DCAF5: variants seen among roughly 807,000 people sequenced by gnomAD.
The protein encoded by DCAF5 is DDB1 and CUL4 associated factor 5, also known as DDB1- and CUL4-associated factor 5.
A neutral mutation model predicts 80.7 loss-of-function variants in DCAF5; 9 were observed. That is an observed-to-expected ratio of 0.11 (90% CI 0.07 to 0.19). The LOEUF (loss-of-function observed/expected upper bound fraction) is 0.19, where lower values mean the gene tolerates loss of function less well. DCAF5 is among the 10% of genes least tolerant of loss of function. The pLI is 1.00. For missense variants in DCAF5, 842 were observed against 1,205.7 expected, an observed-to-expected ratio of 0.70 and a Z score of 4.47; for synonymous variants, 433 against 461.9, an observed-to-expected ratio of 0.94 and a Z score of 0.80.
At chr14:69,114,737 A>C (rs2040487467) in intron 5 of DCAF5, among the ~76,000 whole-genome samples, 1 of 152,218 alleles carries the variant, frequency 6.6e-6, no homozygotes, top group African/African-American at 2.4e-5. Context: ...CTGTAAAAAT[A>C]CAATAATCAT....
intron 6 of DCAF5, 103 bp from the exon 7 acceptor site, chr14:69,075,514 C>T: frequency 3.2e-6 from 2 of 630,702 alleles, no homozygotes; most frequent in Non-Finnish European, 4.5e-6. Flanking sequence ...TGGAGTCTTG[C>T]TCTGTTGTCC....
At chr14:69,147,157 T>C (rs1475443952) in intron 1 of DCAF5, among the ~76,000 whole-genome samples, 1 of 152,272 alleles carries the variant, frequency 6.6e-6, no homozygotes, top group Non-Finnish European at 1.5e-5. Flanking sequence ...CATATAGGTG[T>C]AATAATAGCT....
At chr14:69,101,933 G>A (rs1358947791) in intron 5 of DCAF5, among the ~76,000 whole-genome samples, 4 of 152,140 alleles carry the variant, frequency 2.6e-5, no homozygotes, top group Admixed American at 2.0e-4. Flanking sequence ...AATAGCGCTT[G>A]CAGGACTGGA....
At chr14:69,102,896 G>A (rs768029070) in intron 5 of DCAF5, among the ~76,000 whole-genome samples, 6 of 152,060 alleles carry the variant, frequency 3.9e-5, no homozygotes, top group South Asian at 4.2e-4. Flanking sequence ...CAAGTGTTAC[G>A]TACTGTACAT....
intron 5 of DCAF5, among the ~76,000 whole-genome samples, chr14:69,094,275 T>A (rs1457155929): frequency 2.6e-5 from 4 of 152,234 alleles, no homozygotes; most frequent in Middle Eastern, 3.4e-3. Context: ...CCCATTCTAG[T>A]CAGGCCTGTA....
chr14:69,120,792 A>G (rs930406047), intron 2 of DCAF5, among the ~76,000 whole-genome samples: 2 of 152,236 alleles, frequency 1.3e-5, no homozygotes, highest in Non-Finnish European at 2.9e-5. Flanking sequence ...TATAAAAAGA[A>G]TAAGATTCTA....
chr14:69,131,638 G>A (rs1259896979), intron 1 of DCAF5, among the ~76,000 whole-genome samples: 2 of 152,022 alleles, frequency 1.3e-5, no homozygotes, highest in African/African-American at 4.8e-5. Context: ...AAAGAGCTTG[G>A]CCTGGAGCCT....
At position 69,053,919 on chromosome 14, in the gene DCAF5, G is replaced by T; in HGVS notation, c.2767C>A (p.Arg923=). 6.2e-7 allele frequency: 1 copy of T among 1,610,970 alleles called. No homozygotes were observed. Among genetic ancestry groups the T allele is most frequent in the South Asian group, 1.1e-5 (1 of 90,544 alleles). ...VHGHSGLKRQ[R]IELEDTDSEN... is the part of the protein sequence containing the mutation. Reference sequence around the variant, plus strand: ...GAATCTGTATCTTCCAATTCAATTCGTTGCCTTTTGAGGCCACTGTGGCCA... The same window carrying T: ...GAATCTGTATCTTCCAATTCAATTCTTTGCCTTTTGAGGCCACTGTGGCCA... Residue 923 remains arginine (R), a synonymous_variant, in exon 9 of 9, where the codon CGA becomes AGA. Coordinates refer to ENST00000341516, the MANE Select transcript of DCAF5 (RefSeq NM_003861.3).
chr14:69,098,727 CA>C (rs35501979), intron 5 of DCAF5, among the ~76,000 whole-genome samples: 25,831 of 92,356 alleles, frequency 0.28, 2,895 homozygotes, highest in Middle Eastern at 0.34. Context: ...ACTAAAAATA[CA>C]AAAAAAAAAA....
chr14:69,147,750 A>G (rs73278996), intron 1 of DCAF5, among the ~76,000 whole-genome samples: 1,633 of 152,314 alleles, frequency 0.011, 33 homozygotes, highest in African/African-American at 0.037. Flanking sequence ...AATACTTTGA[A>G]ACATCATAGT....
At chr14:69,076,414 A>G (rs2038900319) in intron 6 of DCAF5, among the ~76,000 whole-genome samples, 1 of 152,258 alleles carries the variant, frequency 6.6e-6, no homozygotes, top group Non-Finnish European at 1.5e-5. Context: ...ATGAATGGAT[A>G]AACAAAATGT....
rs370888554 is a variant in DCAF5 at position 69,054,311 on chromosome 14, G to A, written c.2375C>T (p.Pro792Leu). 1.1e-5 allele frequency: 18 copies of A among 1,614,062 alleles called. No individual in the cohort carries two copies. The highest frequency in any genetic ancestry group is 4.4e-5 in the South Asian group (4 of 91,092). The change falls in exon 9 of 9, where the codon CCG (proline) becomes CTG (leucine). Residue 792 changes from proline to leucine, a missense_variant. Physicochemically the swap from Pro to Leu is moderately conservative, Grantham distance 98 (BLOSUM62 -3). This residue lies in a region of DCAF5 where 607 missense variants were observed against 656.6 expected (regional missense o/e 0.92). Coordinates refer to ENST00000341516, the MANE Select transcript of DCAF5 (RefSeq NM_003861.3). Reference protein sequence around the residue: ...GKALSSRAEEPPSPPVPKASG... With the variant: ...GKALSSRAEELPSPPVPKASG... ...TGCCTTGGGGACAGGAGGAGAAGGC[G>A]GCTCCTCAGCCCGACTGCTCAGGGC...
chr14:69,093,518 C>T (rs2039599504), intron 5 of DCAF5, among the ~76,000 whole-genome samples: 3 of 152,130 alleles, frequency 2.0e-5, no homozygotes, highest in Admixed American at 2.0e-4. Context: ...GAAGATAACA[C>T]ATTTTCTTTT....
chr14:69,115,080 A>C (rs998180885), intron 5 of DCAF5, among the ~76,000 whole-genome samples: 10 of 152,352 alleles, frequency 6.6e-5, no homozygotes, highest in Non-Finnish European at 1.5e-4. Context: ...ATGAGGCAGA[A>C]CAGTTGTTCC....
chr14:69,093,116 C>T (rs1039144487), intron 5 of DCAF5, among the ~76,000 whole-genome samples: 1 of 152,158 alleles, frequency 6.6e-6, no homozygotes, highest in African/African-American at 2.4e-5. Flanking sequence ...TGTGATCTTT[C>T]AGGCAGTAAA....
chr14:69,126,213 A>G (rs1397654571), intron 1 of DCAF5, among the ~76,000 whole-genome samples: 4 of 149,302 alleles, frequency 2.7e-5, no homozygotes, highest in Non-Finnish European at 5.9e-5. Context: ...GCTGGAGTGC[A>G]ATGGCGCAAT....
chr14:69,077,653 T>C (rs892392962), intron 6 of DCAF5, among the ~76,000 whole-genome samples: 1 of 152,094 alleles, frequency 6.6e-6, no homozygotes, highest in African/African-American at 2.4e-5. Context: ...GTTGGGATTA[T>C]AGGAATAGGC....
intron 1 of DCAF5, among the ~76,000 whole-genome samples, chr14:69,149,227 A>C (rs192154249): frequency 1.3e-5 from 2 of 152,366 alleles, no homozygotes; most frequent in African/African-American, 4.8e-5. Context: ...TAACTTGACT[A>C]AAGTCACAGA....
intron 6 of DCAF5, 92 bp downstream of exon 6, chr14:69,091,582 A>G: frequency 1.7e-6 from 2 of 1,169,222 alleles, no homozygotes; most frequent in Non-Finnish European, 1.2e-6. Context: ...TTTCTACCTG[A>G]CATAATGGTA....
Sources: allele counts gnomAD v4.1 joint callset (sites outside exome capture counted in the v4.1 genomes callset), GRCh38; gene constraint gnomAD v4.1.1; regional missense constraint gnomAD v4.1.1; transcripts MANE v1.5; gene names NCBI Gene and HGNC (gene_info 2026-07-23, HGNC 2026-07-21).